GPM6A: variants seen among roughly 807,000 people sequenced by gnomAD.
GPM6A encodes the protein neuronal membrane glycoprotein M6-a.
GPM6A carries 7 observed loss-of-function variants against 32.1 expected under a neutral mutation model. The ratio of observed to expected loss-of-function variants is 0.22; its 90% CI spans 0.12 to 0.41. The LOEUF (loss-of-function observed/expected upper bound fraction) is 0.41, where lower values mean the gene tolerates loss of function less well. GPM6A is among the 10% of genes least tolerant of loss of function. GPM6A has a pLI of 1.00. For missense variants in GPM6A, 235 were observed against 347.2 expected (o/e 0.68, Z 2.57); for synonymous variants, 130 against 123.4 (o/e 1.05, Z -0.35).
At chr4:175,975,589 C>A (rs900146992) in intron 1 of GPM6A, among the ~76,000 whole-genome samples, 2 of 152,266 alleles carry the variant, frequency 1.3e-5, no homozygotes, top group East Asian at 1.9e-4. Context: ...TGCACTAATG[C>A]CTCTAGAATT....
At chr4:175,715,356 C>T (rs1020308663) in intron 1 of GPM6A, among the ~76,000 whole-genome samples, 7 of 152,158 alleles carry the variant, frequency 4.6e-5, no homozygotes, top group Non-Finnish European at 1.0e-4. Flanking sequence ...CGGGATTGTT[C>T]ACGCAGATGC....
chr4:175,889,630 G>A (rs1017792820), intron 1 of GPM6A, among the ~76,000 whole-genome samples: 1 of 152,172 alleles, frequency 6.6e-6, no homozygotes, highest in Middle Eastern at 3.4e-3. Flanking sequence ...TGGCTAACCC[G>A]GTGAAACCCC....
upstream of GPM6A, among the ~76,000 whole-genome samples, chr4:175,817,020 C>G (rs1032896879): frequency 7.2e-5 from 11 of 152,102 alleles, no homozygotes; most frequent in Non-Finnish European, 1.2e-4. Flanking sequence ...CCACGCCCGG[C>G]TAATTTTTTT....
chr4:175,694,316 G>A (rs1744451825), intron 2 of GPM6A, among the ~76,000 whole-genome samples: 1 of 152,214 alleles, frequency 6.6e-6, no homozygotes, highest in Non-Finnish European at 1.5e-5. Context: ...CTCAGAAGAA[G>A]GCAGGAAGAT....
upstream of GPM6A, chr4:175,812,289 G>T (rs1579530602): frequency 5.9e-6 from 5 of 853,548 alleles, no homozygotes; most frequent in Non-Finnish European, 7.4e-6. Context: ...TTAGATGTTG[G>T]AAAAACTGGG....
intron 1 of GPM6A, among the ~76,000 whole-genome samples, chr4:175,749,213 G>A (rs988546661): frequency 1.3e-5 from 1 of 74,590 alleles, no homozygotes; most frequent in African/African-American, 3.9e-5. Flanking sequence ...CAAAAAAAAG[G>A]TAATGGCAAA....
intron 1 of GPM6A, among the ~76,000 whole-genome samples, chr4:175,991,083 T>G (rs572110671): frequency 8.6e-5 from 13 of 151,754 alleles, no homozygotes; most frequent in African/African-American, 3.1e-4. Flanking sequence ...TTCTTTTTTT[T>G]TTTTTTGACG....
intron 1 of GPM6A, among the ~76,000 whole-genome samples, chr4:175,894,686 A>G (rs1737744229): frequency 6.6e-6 from 1 of 152,202 alleles, no homozygotes; most frequent in Admixed American, 6.5e-5. Context: ...TTTTAATAGT[A>G]AAACCACAGA....
At chr4:175,960,074 C>T (rs528834574) in intron 1 of GPM6A, among the ~76,000 whole-genome samples, 8 of 152,290 alleles carry the variant, frequency 5.3e-5, no homozygotes, top group Non-Finnish European at 8.8e-5. Context: ...GTAGCATCCT[C>T]ATTGAATAGG....
At chr4:175,736,660 C>G (rs55972841) in intron 1 of GPM6A, among the ~76,000 whole-genome samples, 53,591 of 152,012 alleles carry the variant, frequency 0.35, 11,676 homozygotes, top group Non-Finnish European at 0.48. Context: ...TTTATTTTAA[C>G]AAGGATGCTT....
At chr4:175,646,446 T>C (rs1032385993) in intron 4 of GPM6A, among the ~76,000 whole-genome samples, 9 of 152,184 alleles carry the variant, frequency 5.9e-5, no homozygotes, top group South Asian at 4.1e-4. Flanking sequence ...TTCTGTTACA[T>C]CTTGGACAAA....
At chr4:175,879,862 T>C (rs1351474849) in intron 1 of GPM6A, among the ~76,000 whole-genome samples, 1 of 152,164 alleles carries the variant, frequency 6.6e-6, no homozygotes, top group Non-Finnish European at 1.5e-5. Context: ...AAAATAATAT[T>C]GAAAAAGCCC....
In GPM6A at chr4:175,775,905, G is replaced by C. The variant is rs765473897; in HGVS notation, c.37+36286C>G. The stretch of plus-strand genomic sequence containing the variant: ...GCCCAATGGAATGAAAGCACAAAAG[G>C]GGAGGTTATATTTTATTCTGTGTTG... On this transcript the variant is annotated intron_variant, in intron 1 of 6. Transcript: ENST00000393658. 3.3e-5 allele frequency among the ~76,000 whole-genome samples: 5 copies of C among 152,016 alleles called. No individual in the cohort carries two copies. The East Asian group carries it at 7.7e-4, about 23-fold the overall frequency.
intron 1 of GPM6A, among the ~76,000 whole-genome samples, chr4:175,784,920 T>G (rs1427931486): frequency 6.6e-6 from 1 of 152,194 alleles, no homozygotes; most frequent in Non-Finnish European, 1.5e-5. Context: ...TCAATCCTAG[T>G]AAGAAAAGTA....
chr4:175,998,538 C>T (rs1045198989), intron 1 of GPM6A, among the ~76,000 whole-genome samples: 1 of 152,138 alleles, frequency 6.6e-6, no homozygotes, highest in African/African-American at 2.4e-5. Flanking sequence ...TTGGGTTTAT[C>T]CTTTAAATAT....
chr4:175,881,930 G>A (rs538880053), intron 1 of GPM6A, among the ~76,000 whole-genome samples: 30 of 152,066 alleles, frequency 2.0e-4, no homozygotes, highest in African/African-American at 6.8e-4. Context: ...CATGGCACAT[G>A]TATACATATG....
At chr4:175,890,119 G>T (rs1737594548) in intron 1 of GPM6A, among the ~76,000 whole-genome samples, 1 of 152,148 alleles carries the variant, frequency 6.6e-6, no homozygotes, top group African/African-American at 2.4e-5. Context: ...AGACTCTACT[G>T]CATACCCAGA....
chr4:175,911,133 C>A (rs972668026), intron 1 of GPM6A, among the ~76,000 whole-genome samples: 4 of 152,272 alleles, frequency 2.6e-5, no homozygotes, highest in Admixed American at 2.6e-4. Flanking sequence ...TCTCAGGTGT[C>A]TTAGACACCA....
At chr4:175,662,975 A>T (rs1321496642) in intron 3 of GPM6A, among the ~76,000 whole-genome samples, 1 of 152,210 alleles carries the variant, frequency 6.6e-6, no homozygotes, top group East Asian at 1.9e-4. Context: ...AACATAAGTG[A>T]CAGAGTAAAA....
Sources: allele counts gnomAD v4.1 joint callset (sites outside exome capture counted in the v4.1 genomes callset), GRCh38; gene constraint gnomAD v4.1.1; transcripts MANE v1.5; gene names NCBI Gene and HGNC (gene_info 2026-07-23, HGNC 2026-07-21).